The following TMEM114 variants were observed in gnomAD, a reference collection of about 807,000 sequenced individuals.
The protein encoded by TMEM114 is transmembrane protein 114, also known as claudin-26.
TMEM114 carries 6 observed loss-of-function variants against 6.2 expected under a neutral mutation model. The ratio of observed to expected loss-of-function variants is 0.97; its 90% confidence interval spans 0.53 to 1.91. The LOEUF (loss-of-function observed/expected upper bound fraction) is 1.91, where lower values mean the gene tolerates loss of function less well. TMEM114 is among the 40% of genes most tolerant of loss of function. The probability of loss-of-function intolerance (pLI) is 0.01; values close to 1 mark genes in which losing one functional copy is unlikely to be tolerated. For synonymous variants in TMEM114, 104 were observed against 73.0 expected, an observed-to-expected ratio of 1.42 and a Z score of -2.16; for missense variants, 218 against 158.3, an observed-to-expected ratio of 1.38 and a Z score of -2.02.
intron 2 of TMEM114, among the ~76,000 whole-genome samples, chr16:8,560,151 C>G (rs376999214): frequency 1.3e-4 from 19 of 151,672 alleles, no homozygotes; most frequent in African/African-American, 4.3e-4. Flanking sequence ...CACCACCATA[C>G]CCGGCTATTT....
downstream of TMEM114, among the ~76,000 whole-genome samples, chr16:8,534,827 G>A (rs1179553180): frequency 2.0e-5 from 3 of 152,128 alleles, no homozygotes; most frequent in African/African-American, 7.2e-5. Context: ...TGGGCCTTTG[G>A]GCAAATCTGC....
intron 2 of TMEM114, among the ~76,000 whole-genome samples, chr16:8,558,762 C>T (rs5023253): frequency 2.7e-5 from 4 of 150,076 alleles, no homozygotes; most frequent in Non-Finnish European, 4.4e-5. Flanking sequence ...TTTTTTTCGA[C>T]ATGGAGTTTA....
chr16:8,552,955 C>G (rs773277359), intron 2 of TMEM114, among the ~76,000 whole-genome samples: 1 of 152,228 alleles, frequency 6.6e-6, no homozygotes, highest in African/African-American at 2.4e-5. Context: ...TGTATTTAAA[C>G]TTTCCCCGAG....
At chr16:8,578,347 G>A (rs996670094) in intron 2 of TMEM114, among the ~76,000 whole-genome samples, 1 of 152,072 alleles carries the variant, frequency 6.6e-6, no homozygotes, top group Non-Finnish European at 1.5e-5. Context: ...CTTATGTCCT[G>A]GGAGCCGTTG....
chr16:8,566,012 A>G (rs1389268525), downstream of TMEM114, among the ~76,000 whole-genome samples: 1 of 152,246 alleles, frequency 6.6e-6, no homozygotes, highest in Non-Finnish European at 1.5e-5. Context: ...ACAGATCAGA[A>G]CAAAATGGAT....
At chr16:8,549,987 A>G (rs370733870) in intron 2 of TMEM114, among the ~76,000 whole-genome samples, 3 of 152,334 alleles carry the variant, frequency 2.0e-5, no homozygotes, top group East Asian at 1.9e-4. Context: ...TGCAGCCTTC[A>G]GTCTGTAGCC....
downstream of TMEM114, among the ~76,000 whole-genome samples, chr16:8,534,536 C>T (rs1317184250): frequency 2.0e-5 from 3 of 152,098 alleles, no homozygotes; most frequent in African/African-American, 7.2e-5. Context: ...CTCTCCTGTT[C>T]CCATCACTAC....
intron 2 of TMEM114, among the ~76,000 whole-genome samples, chr16:8,555,358 G>A (rs568590033): frequency 6.6e-6 from 1 of 152,234 alleles, no homozygotes; most frequent in Non-Finnish European, 1.5e-5. Flanking sequence ...CAGGCAATGT[G>A]CTAAGAGTAG....
At chr16:8,578,215 G>GTGGC (rs1195416344) in intron 2 of TMEM114, among the ~76,000 whole-genome samples, 1 of 152,176 alleles carries the variant, frequency 6.6e-6, no homozygotes, top group Non-Finnish European at 1.5e-5. Context: ...GGCAAACTGG[G>GTGGC]TGGCTTCCAA....
chr16:8,541,051 A>G (rs1555461173), intron 2 of TMEM114, among the ~76,000 whole-genome samples: 1 of 138,728 alleles, frequency 7.2e-6, no homozygotes, highest in Non-Finnish European at 1.6e-5. Context: ...CTGAGAGCGA[A>G]GTCTGGACCA....
intron 2 of TMEM114, among the ~76,000 whole-genome samples, chr16:8,585,498 G>A (rs761482390): frequency 2.4e-4 from 37 of 152,028 alleles, no homozygotes; most frequent in Non-Finnish European, 4.6e-4. Flanking sequence ...CTTGTCGAAC[G>A]TGCTGCTTGT....
At position 8,569,969 on chromosome 16, in the gene TMEM114, G is replaced by T. The variant is rs1010310796; in HGVS notation, c.476C>A (p.Ala159Glu). 10 of 1,550,942 alleles carry T rather than the reference G, an allele frequency of 6.4e-6. No individual in the cohort carries two copies. Among genetic ancestry groups the T allele is most frequent in the African/African-American group, 2.7e-5 (2 of 73,174 alleles). ...CTCCCGGAAGGCGGCGGCTGAATAC[G>T]CTATGTAGACGCTGATCCCAGCGAG... is the stretch of plus-strand genomic sequence containing the variant. ...VTLAGISVYI[A>E]YSAAAFREAL... Residue 159 changes from alanine (A) to glutamate (E), a missense_variant, in exon 4 of 4, where the codon GCG becomes GAG. Coordinates refer to ENST00000620492, the MANE Select transcript of TMEM114 (RefSeq NM_001146336.2).
chr16:8,568,347 T>A (rs1274782806), downstream of TMEM114, among the ~76,000 whole-genome samples: 2 of 152,190 alleles, frequency 1.3e-5, no homozygotes, highest in East Asian at 3.9e-4. Context: ...CCGACTGGCG[T>A]GGAGAATAGC....
intron 2 of TMEM114, among the ~76,000 whole-genome samples, chr16:8,543,060 C>G (rs1299558618): frequency 6.6e-6 from 1 of 152,098 alleles, no homozygotes; most frequent in Admixed American, 6.6e-5. Flanking sequence ...CAGAACACAG[C>G]CCTTCGAAAA....
intron 2 of TMEM114, among the ~76,000 whole-genome samples, chr16:8,542,885 C>T (rs1900556221): frequency 6.6e-6 from 1 of 152,086 alleles, no homozygotes; most frequent in Admixed American, 6.6e-5. Context: ...GATTGAAATG[C>T]CAGAATGTAT....
chr16:8,552,042 G>T (rs987475042), intron 2 of TMEM114, among the ~76,000 whole-genome samples: 1 of 152,080 alleles, frequency 6.6e-6, no homozygotes, highest in Non-Finnish European at 1.5e-5. Flanking sequence ...GAGCTCCAAA[G>T]CTAGAGGACA....
At chr16:8,565,518 T>C (rs1354042236), downstream of TMEM114, among the ~76,000 whole-genome samples, 2 of 152,112 alleles carry the variant, frequency 1.3e-5, no homozygotes, top group Non-Finnish European at 2.9e-5. Flanking sequence ...CGCGCCGTAG[T>C]CCCACTTCCT....
chr16:8,548,798 A>T (rs1900752674), intron 2 of TMEM114, among the ~76,000 whole-genome samples: 1 of 152,050 alleles, frequency 6.6e-6, no homozygotes, highest in African/African-American at 2.4e-5. Context: ...TTACGTAGTC[A>T]GTGGAGGAGC....
chr16:8,532,027 C>T, the TMEM114 span: 3 of 152,094 alleles, frequency 2.0e-5, no homozygotes, highest in East Asian at 1.9e-4. Flanking sequence ...GAAGAAAGAA[C>T]GGAGAGGTGG....
Sources: gnomAD v4.1 joint callset for allele counts (sites outside exome capture counted in the v4.1 genomes callset) on GRCh38, gnomAD v4.1.1 for gene constraint, MANE v1.5 for transcripts, NCBI Gene and HGNC (gene_info 2026-07-23, HGNC 2026-07-21) for gene names.